The following TBC1D1 variants were observed in gnomAD, a reference collection of about 807,000 sequenced individuals.
TBC1D1 encodes TBC1 domain family member 1, also known as TBC1 (tre-2/USP6, BUB2, cdc16) domain family, member 1.
Under a neutral mutation model 125.6 loss-of-function variants are expected in TBC1D1, and 89 were observed. The ratio of observed to expected loss-of-function variants is 0.71; its 90% CI spans 0.60 to 0.85. TBC1D1 has a LOEUF of 0.85. TBC1D1 is among the 40% of genes least tolerant of loss of function. The pLI, the probability that TBC1D1 is intolerant of heterozygous loss-of-function variation, is 0.00. For synonymous variants in TBC1D1, 565 were observed against 564.1 expected (o/e 1.00, Z -0.02); for missense variants, 1,377 against 1,469.2 (o/e 0.94, Z 1.03).
Position 37,906,556 on chromosome 4 carries a change from A to G in TBC1D1, c.417+4044A>G, listed in dbSNP as rs779160297. Among the ~76,000 whole-genome samples, 8 of 152,218 alleles carry G rather than the reference A, an allele frequency of 5.3e-5. No homozygotes were observed. The East Asian group carries it at 1.2e-3, about 22-fold the overall frequency. ...AGTGATTTCACCATTCTTCCACCCA[A>G]ACTTCACCATAAGTTTGATGTTTCT... is the stretch of plus-strand genomic sequence containing the variant. On this transcript the variant is annotated intron_variant, in intron 2 of 19. Transcript: ENST00000261439.
intron 2 of TBC1D1, among the ~76,000 whole-genome samples, chr4:37,944,065 C>T (rs1384545878): frequency 6.6e-6 from 1 of 152,232 alleles, no homozygotes; most frequent in African/African-American, 2.4e-5. Flanking sequence ...TCAGGACCCT[C>T]AGCTGCAGGT....
intron 2 of TBC1D1, among the ~76,000 whole-genome samples, chr4:37,965,097 C>A (rs914031788): frequency 6.6e-6 from 1 of 152,242 alleles, no homozygotes; most frequent in African/African-American, 2.4e-5. Context: ...TTTCCTGAAC[C>A]TCAGTTTCCT....
At chr4:38,131,579 C>T (rs1295808243) in intron 18 of TBC1D1, among the ~76,000 whole-genome samples, 1 of 152,164 alleles carries the variant, frequency 6.6e-6, no homozygotes, top group Non-Finnish European at 1.5e-5. Context: ...CACAGCCATC[C>T]TGGGAGGTAG....
Position 38,139,003 on chromosome 4 carries a change from A to G in TBC1D1, c.*1668A>G, listed in dbSNP as rs1389267611. 6.6e-6 allele frequency: 1 copy of G among 152,636 alleles called. No individual in the cohort carries two copies. Among genetic ancestry groups the G allele is most frequent in the East Asian group, 1.9e-4 (1 of 5,202 alleles). 9.5% of individuals were successfully genotyped at this position (152,636 alleles called of 1,614,324 possible). ...AGCCTTTATCCCTCGTGGTTCCGCT[A>G]GATGTAACTTATAGGAGTTAACATT... On this transcript the variant is annotated 3_prime_UTR_variant, in exon 20 of 20. Coordinates refer to ENST00000261439, the MANE Select transcript of TBC1D1 (RefSeq NM_015173.4).
At chr4:37,986,893 C>G (rs1735586715) in intron 2 of TBC1D1, among the ~76,000 whole-genome samples, 1 of 152,144 alleles carries the variant, frequency 6.6e-6, no homozygotes, top group South Asian at 2.1e-4. Context: ...GTAGGACCAA[C>G]CAGTTGTGTT....
At chr4:38,079,004 G>A (rs1184933923) in intron 12 of TBC1D1, among the ~76,000 whole-genome samples, 1 of 152,190 alleles carries the variant, frequency 6.6e-6, no homozygotes, top group Non-Finnish European at 1.5e-5. Context: ...AGAAACAGAA[G>A]CAGAAAGGCC....
chr4:37,904,458 C>T (rs899820305), intron 2 of TBC1D1, among the ~76,000 whole-genome samples: 1 of 152,186 alleles, frequency 6.6e-6, no homozygotes, highest in South Asian at 2.1e-4. Context: ...ACTGAATTTC[C>T]TTGGGGAGAG....
At position 38,052,067 on chromosome 4, in the gene TBC1D1, ACACT is replaced by A; in HGVS notation, c.1911-2128_1911-2125del. On this transcript the variant is annotated intron_variant, in intron 11 of 19. Coordinates refer to ENST00000261439, the MANE Select transcript of TBC1D1 (RefSeq NM_015173.4). ...GGAATGCTGTGCCAAAGAGGTGAGC[ACACT>A]CACGTGGCAAGTTTGGTGTTGTCTG... 6.4e-7 allele frequency: 1 copy of A among 1,550,952 alleles called. No individual in the cohort carries two copies. The highest frequency in any genetic ancestry group is 8.7e-7 in the Non-Finnish European group (1 of 1,147,000).
chr4:37,999,230 T>C lies in TBC1D1; in HGVS notation c.418-15279T>C, dbSNP rs1053465852. ...TCAAGCCACTGCACTCCAGCCTGGG[T>C]GAGTGAGACTCCGTCTCAAAACAAA... On this transcript the variant is annotated intron_variant, in intron 2 of 19. Coordinates refer to ENST00000261439, the MANE Select transcript of TBC1D1 (RefSeq NM_015173.4). 3.9e-5 allele frequency among the ~76,000 whole-genome samples: 6 copies of C among 152,226 alleles called. No homozygotes were observed. In the East Asian group the frequency reaches 9.7e-4, roughly 25 times the overall value.
intron 12 of TBC1D1, among the ~76,000 whole-genome samples, chr4:38,069,573 T>G (rs1419286841): frequency 6.6e-6 from 1 of 152,154 alleles, no homozygotes; most frequent in East Asian, 1.9e-4. Context: ...GTAATTTTTT[T>G]TTCCTCTCGG....
rs1016800708 is a variant in TBC1D1 at position 38,137,171 on chromosome 4, A to G, written c.3343A>G (p.Ile1115Val). Residue 1115 changes from isoleucine (I) to valine (V), a missense_variant, in exon 20 of 20, where the codon ATT becomes GTT. Around this residue, in one of 3 missense-constraint regions of TBC1D1, gnomAD observed 543 missense variants for 613.5 expected, o/e 0.89. Coordinates refer to ENST00000261439, the MANE Select transcript of TBC1D1 (RefSeq NM_015173.4). Reference sequence around the variant, plus strand: ...TAGGATCCAAAGCCTTGAGGCCACCATTGAGAAGCTCCTGAGCAGTGAGAG... The same window carrying G: ...TAGGATCCAAAGCCTTGAGGCCACCGTTGAGAAGCTCCTGAGCAGTGAGAG... 1.2e-6 allele frequency: 2 copies of G among 1,613,400 alleles called. No homozygotes were observed. Among genetic ancestry groups the G allele is most frequent in the Non-Finnish European group, 1.7e-6 (2 of 1,180,042 alleles).
intron 12 of TBC1D1, 42 bp from the exon 15 acceptor site, chr4:38,089,890 T>C: frequency 6.6e-7 from 1 of 1,523,396 alleles, no homozygotes; most frequent in Non-Finnish European, 8.8e-7. Context: ...GTGCATTTTT[T>C]GTTGAAAAAT....
At chr4:38,003,384 G>A (rs533152327) in intron 2 of TBC1D1, among the ~76,000 whole-genome samples, 2 of 152,258 alleles carry the variant, frequency 1.3e-5, no homozygotes, top group African/African-American at 4.8e-5. Flanking sequence ...TGAGATTGCC[G>A]GAAAGTTGAG....
chr4:37,906,588 T>G (rs1394301531), intron 2 of TBC1D1, among the ~76,000 whole-genome samples: 1 of 152,198 alleles, frequency 6.6e-6, no homozygotes, highest in African/African-American at 2.4e-5. Context: ...TTCTTCTTGC[T>G]TTGATTTTAG....
intron 12 of TBC1D1, among the ~76,000 whole-genome samples, chr4:38,074,740 T>G (rs968787335): frequency 6.6e-6 from 1 of 151,644 alleles, no homozygotes; most frequent in Admixed American, 6.6e-5. Flanking sequence ...TTATGGTCAG[T>G]AGAGACTTTC....
chr4:37,938,625 G>T (rs1724893542), intron 2 of TBC1D1, among the ~76,000 whole-genome samples: 1 of 152,072 alleles, frequency 6.6e-6, no homozygotes, highest in Admixed American at 6.6e-5. Context: ...TTGGTGTGCT[G>T]CACCCATTAA....
chr4:37,997,309 G>GT lies in TBC1D1; in HGVS notation c.418-17195dup, dbSNP rs561348889. Reference sequence around the variant, plus strand: ...TATTGCTTTTAGACTGCCATCTAAAGTTTTTGGTTTCTGGGGTTTATTTGG... The same window carrying GT: ...TATTGCTTTTAGACTGCCATCTAAAGTTTTTTGGTTTCTGGGGTTTATTTGG... On this transcript the variant is annotated intron_variant, in intron 2 of 19. Transcript: ENST00000261439. Among the ~76,000 whole-genome samples the GT allele has an allele frequency of 4.1e-3, 619 of 152,318 alleles. 9 individuals are homozygous for GT. Among genetic ancestry groups the GT allele is most frequent in the African/African-American group, 0.014 (584 of 41,562 alleles).
intron 17 of TBC1D1, 66 bp from the exon 20 acceptor site, chr4:38,124,896 G>T: frequency 7.1e-7 from 1 of 1,405,244 alleles, no homozygotes; most frequent in Non-Finnish European, 1.0e-6. Context: ...TGTGGAAAAG[G>T]CAATGGAATG....
At chr4:38,104,967 G>T (rs1486903541) in intron 15 of TBC1D1, among the ~76,000 whole-genome samples, 10 of 152,058 alleles carry the variant, frequency 6.6e-5, no homozygotes, top group Non-Finnish European at 1.5e-4. Context: ...GTGTTAGCCA[G>T]GATGGTCTCA....
Sources: allele counts gnomAD v4.1 joint callset (sites outside exome capture counted in the v4.1 genomes callset), GRCh38; gene constraint gnomAD v4.1.1; regional missense constraint gnomAD v4.1.1; transcripts MANE v1.5; gene names NCBI Gene and HGNC (gene_info 2026-07-23, HGNC 2026-07-21).